Variants in UBR7 observed in about 807,000 individuals in gnomAD.
UBR7 encodes putative E3 ubiquitin-protein ligase UBR7.
In UBR7, 22 loss-of-function variants were observed where a neutral mutation model predicts 57.0. The ratio of observed to expected loss-of-function variants is 0.39; its 90% CI spans 0.28 to 0.55. The LOEUF is 0.55. Ranked by LOEUF, UBR7 falls within the 20% of genes least tolerant of loss-of-function variation. UBR7 has a pLI of 0.69. For synonymous variants in UBR7, 167 were observed against 179.8 expected (o/e 0.93, Z 0.57); for missense variants, 395 against 513.2 (o/e 0.77, Z 2.23).
Position 93,227,102 on chromosome 14 carries a change from G to T in UBR7, c.*67G>T, listed in dbSNP as rs776085737. On this transcript the variant is annotated 3_prime_UTR_variant, in exon 11 of 11. Transcript: ENST00000013070. ...GCTTCCCATTCTTGGAATAAAAGAG[G>T]TGTGGTTCACATTTGGCCCCCTTTC... The T allele has an allele frequency of 6.2e-6, 8 of 1,298,514 alleles. 1 individual carries two copies. The highest frequency in any genetic ancestry group is 1.9e-4 in the Middle Eastern group (1 of 5,318). 80.4% of individuals were successfully genotyped at this position (1,298,514 alleles called of 1,614,324 possible). A position where few individuals can be genotyped will look rare whatever the true frequency, so the allele number is the denominator to read the frequency against.
chr14:93,219,383 A>AGT (rs1247588987), intron 8 of UBR7, 22 bp downstream of exon 8: 2 of 1,614,086 alleles, frequency 1.2e-6, no homozygotes, highest in Middle Eastern at 1.6e-4. Context: ...GATTGTGCTC[A>AGT]GTGTTAGCAT....
At chr14:93,226,918 C>T (rs758771843) in intron 10 of UBR7, 25 bp from the exon 11 acceptor site, 1 of 1,564,520 alleles carries the variant, frequency 6.4e-7, no homozygotes, top group Non-Finnish European at 8.8e-7. Context: ...AGTTCTCTTT[C>T]ATAATCTTTG....
chr14:93,226,428 T>G (rs1357886690), intron 10 of UBR7, among the ~76,000 whole-genome samples: 1 of 152,104 alleles, frequency 6.6e-6, no homozygotes, highest in Non-Finnish European at 1.5e-5. Flanking sequence ...GAGGATCACT[T>G]GAGCTCAGAA....
intron 6 of UBR7, 34 bp downstream of exon 6, chr14:93,215,315 C>A (rs1894569405): frequency 6.6e-7 from 1 of 1,513,446 alleles, no homozygotes; most frequent in Non-Finnish European, 9.0e-7. Flanking sequence ...GTGCCACAAA[C>A]TTGTGCTTGT....
At chr14:93,209,776 A>T (rs909631335) in intron 1 of UBR7, 48 bp from the exon 2 acceptor site, 1 of 1,605,222 alleles carries the variant, frequency 6.2e-7, no homozygotes, top group African/African-American at 1.3e-5. Flanking sequence ...GGTATTAGGT[A>T]AACCATGCTA....
At chr14:93,215,029 AT>A in intron 5 of UBR7, 47 bp downstream of exon 5, 2 of 1,547,532 alleles carry the variant, frequency 1.3e-6, no homozygotes. Flanking sequence ...TCACAAAAAG[AT>A]AAAGGTTATA....
At chr14:93,224,504 A>G (rs570710162) in intron 10 of UBR7, among the ~76,000 whole-genome samples, 228 of 149,494 alleles carry the variant, frequency 1.5e-3, no homozygotes, top group African/African-American at 5.3e-3. Context: ...TCAGCCTCCC[A>G]AGTAGCTGGA....
Position 93,208,425 on chromosome 14 carries a change from C to T in UBR7, c.150+984C>T, listed in dbSNP as rs143097777. Among the ~76,000 whole-genome samples the T allele has an allele frequency of 1.7e-3, 250 of 150,518 alleles. 1 individual carries two copies. Among genetic ancestry groups the T allele is most frequent in the African/African-American group, 5.8e-3 (237 of 40,880 alleles). ...AGACATAGCCCCAGGTATTTTAAAACCTTTGGTCACCACTAAAACAATTTT... is the reference window on the plus strand; with the variant it reads ...AGACATAGCCCCAGGTATTTTAAAATCTTTGGTCACCACTAAAACAATTTT... On this transcript the variant is annotated intron_variant, in intron 1 of 10. Coordinates refer to ENST00000013070, the MANE Select transcript of UBR7 (RefSeq NM_175748.4).
Position 93,227,735 on chromosome 14 carries a change from C to T in UBR7, c.*700C>T, listed in dbSNP as rs745607195. 5.6e-5 allele frequency: 39 copies of T among 700,688 alleles called. No individual in the cohort carries two copies. The highest frequency in any genetic ancestry group is 4.7e-5 in the Non-Finnish European group (18 of 384,822). The allele number at this position is 700,688 out of a possible 1,614,324, so 43.4% of individuals were successfully genotyped here. On this transcript the variant is annotated 3_prime_UTR_variant, in exon 11 of 11. Transcript: ENST00000013070. ...ACTAATACAGTTCAAGTGAAATTTT[C>T]GTTCATGATTCTATTGGCACTAGAA...
intron 6 of UBR7, 34 bp from the exon 7 acceptor site, chr14:93,218,489 ATGTG>A: frequency 1.3e-6 from 2 of 1,532,966 alleles, no homozygotes; most frequent in Non-Finnish European, 1.8e-6. Context: ...GTCAGTGGAT[ATGTG>A]TGTATGTGTT....
intron 9 of UBR7, among the ~76,000 whole-genome samples, chr14:93,220,668 T>G (rs1336098647): frequency 6.6e-6 from 1 of 152,140 alleles, no homozygotes; most frequent in East Asian, 1.9e-4. Context: ...GAATGCAAAT[T>G]TTCCATCCAT....
chr14:93,222,406 C>G, intron 10 of UBR7, 32 bp downstream of exon 10: 1 of 1,493,822 alleles, frequency 6.7e-7, no homozygotes, highest in Non-Finnish European at 9.3e-7. Context: ...TAATCATAGC[C>G]CTGTAAGTTT....
At chr14:93,219,439 T>C (rs1002786674) in intron 8 of UBR7, 78 bp downstream of exon 8, 3 of 1,569,914 alleles carry the variant, frequency 1.9e-6, no homozygotes, top group Non-Finnish European at 2.6e-6. Context: ...GGGGAAAACA[T>C]TCAATTTTTG....
At chr14:93,218,345 A>G (rs184355577) in intron 6 of UBR7, among the ~76,000 whole-genome samples, 182 bp from the exon 7 acceptor site, 1 of 152,082 alleles carries the variant, frequency 6.6e-6, no homozygotes, top group Non-Finnish European at 1.5e-5. Context: ...TGGGAGACAG[A>G]GGTTGCAGTG....
chr14:93,211,905 T>C lies in UBR7; in HGVS notation c.346-127T>C, dbSNP rs564207169. The C allele has an allele frequency of 1.4e-5, 10 of 739,186 alleles. No homozygotes were observed. In the East Asian group the frequency reaches 2.9e-4, roughly 21 times the overall value. 45.8% of individuals were successfully genotyped at this position (739,186 alleles called of 1,614,324 possible). A position where few individuals can be genotyped will look rare whatever the true frequency, so the allele number is the denominator to read the frequency against. On this transcript the variant is annotated intron_variant, in intron 3 of 10. Transcript: ENST00000013070. ...GTAGTGAGTTTTTTTTTTCCTACTT[T>C]GAAAATTAAAGATCAGCCTCTTGGG...
At chr14:93,224,509 G>C (rs1894798371) in intron 10 of UBR7, among the ~76,000 whole-genome samples, 1 of 151,196 alleles carries the variant, frequency 6.6e-6, no homozygotes, top group Non-Finnish European at 1.5e-5. Flanking sequence ...CTCCCAAGTA[G>C]CTGGACTACA....
At chr14:93,211,916 G>A in intron 3 of UBR7, 116 bp from the exon 4 acceptor site, 1 of 781,622 alleles carries the variant, frequency 1.3e-6, no homozygotes, top group Middle Eastern at 3.6e-4. Context: ...GAAAATTAAA[G>A]ATCAGCCTCT....
At chr14:93,223,647 C>T (rs1371971174) in intron 10 of UBR7, 49 of 1,385,112 alleles carry the variant, frequency 3.5e-5, no homozygotes, top group Admixed American at 1.1e-4. Context: ...CTTGGGCTGA[C>T]GGGCAGGACC....
At chr14:93,211,527 A>G (rs1894484375) in intron 3 of UBR7, among the ~76,000 whole-genome samples, 1 of 151,960 alleles carries the variant, frequency 6.6e-6, no homozygotes, top group South Asian at 2.1e-4. Flanking sequence ...AGCCTGGGCG[A>G]CAGAGCGAGA....
Sources: gnomAD v4.1 joint callset for allele counts (sites outside exome capture counted in the v4.1 genomes callset) on GRCh38, gnomAD v4.1.1 for gene constraint, MANE v1.5 for transcripts, NCBI Gene and HGNC (gene_info 2026-07-23, HGNC 2026-07-21) for gene names.